The following MYO16 variants were observed in gnomAD, a reference collection of about 807,000 sequenced individuals.
MYO16 encodes unconventional myosin-XVI.
Under a neutral mutation model 205.3 loss-of-function variants are expected in MYO16, and 94 were observed. The observed-to-expected ratio is 0.46, with a 90% CI of 0.39 to 0.54. The LOEUF (loss-of-function observed/expected upper bound fraction) is 0.54, where lower values mean the gene tolerates loss of function less well. Among genes scored for constraint, MYO16 ranks in the 20% least tolerant of loss-of-function variants. The probability of loss-of-function intolerance (pLI) is 0.00; values close to 1 mark genes in which losing one functional copy is unlikely to be tolerated. For missense variants in MYO16, 2,315 were observed against 2,387.5 expected (o/e 0.97, Z 0.63); for synonymous variants, 988 against 954.0 (o/e 1.04, Z -0.66).
chr13:108,909,722 C>G (rs6492154), intron 15 of MYO16, among the ~76,000 whole-genome samples: 1 of 151,756 alleles, frequency 6.6e-6, no homozygotes, highest in East Asian at 1.9e-4. Flanking sequence ...ATTTCAAAGC[C>G]TTTGTTACAG....
the MYO16 span, among the ~76,000 whole-genome samples, chr13:108,498,790 TAAC>T: frequency 6.6e-6 from 1 of 152,202 alleles, no homozygotes; most frequent in Non-Finnish European, 1.5e-5. Context: ...AAGCTCACAG[TAAC>T]AACACCTTAT....
chr13:108,669,380 G>T (rs1283128676), intron 2 of MYO16, among the ~76,000 whole-genome samples: 1 of 152,092 alleles, frequency 6.6e-6, no homozygotes, highest in African/African-American at 2.4e-5. Context: ...ATTAGGTTCT[G>T]TACAGAGTAG....
At chr13:108,689,119 C>T (rs1423013497) in intron 2 of MYO16, among the ~76,000 whole-genome samples, 1 of 140,008 alleles carries the variant, frequency 7.1e-6, no homozygotes, top group Non-Finnish European at 1.5e-5. Context: ...AATTTTAAAA[C>T]TTTAGTTGAT....
intron 21 of MYO16, among the ~76,000 whole-genome samples, chr13:108,995,910 G>A (rs922285907): frequency 2.6e-5 from 4 of 152,122 alleles, no homozygotes; most frequent in African/African-American, 4.8e-5. Flanking sequence ...TTAGAATGGC[G>A]ATCATTAAAA....
intron 15 of MYO16, among the ~76,000 whole-genome samples, chr13:108,906,711 G>A (rs1237706905): frequency 6.6e-6 from 1 of 152,200 alleles, no homozygotes; most frequent in African/African-American, 2.4e-5. Flanking sequence ...CTAGAATAGT[G>A]TATGGTACAC....
At chr13:108,843,722 AAAT>A (rs1268389622) in intron 9 of MYO16, among the ~76,000 whole-genome samples, 1 of 152,206 alleles carries the variant, frequency 6.6e-6, no homozygotes, top group Non-Finnish European at 1.5e-5. Context: ...AACATTATAA[AAAT>A]AATGGCTGTA....
At chr13:109,077,572 A>C (rs76837142) in intron 27 of MYO16, among the ~76,000 whole-genome samples, 1,833 of 152,314 alleles carry the variant, frequency 0.012, 23 homozygotes, top group South Asian at 0.033. Flanking sequence ...AGGCATTTTT[A>C]TGAGAAAGGC....
intron 27 of MYO16, among the ~76,000 whole-genome samples, chr13:109,065,776 G>A (rs965957462): frequency 1.3e-5 from 2 of 152,154 alleles, no homozygotes; most frequent in East Asian, 3.9e-4. Flanking sequence ...AAACATCGGA[G>A]TCTTAACTCC....
chr13:108,867,855 A>T (rs369698910), intron 12 of MYO16, among the ~76,000 whole-genome samples: 1 of 152,220 alleles, frequency 6.6e-6, no homozygotes, highest in East Asian at 1.9e-4. Flanking sequence ...GTACAATTCC[A>T]ACTACTCTCG....
chr13:109,098,193 T>G (rs1322351345), intron 27 of MYO16, among the ~76,000 whole-genome samples: 4 of 152,202 alleles, frequency 2.6e-5, no homozygotes, highest in African/African-American at 9.6e-5. Context: ...GGTGTTAGGT[T>G]AGTGCAAAAG....
chr13:108,768,476 A>T (rs1885853842), intron 4 of MYO16, among the ~76,000 whole-genome samples: 1 of 152,200 alleles, frequency 6.6e-6, no homozygotes, highest in South Asian at 2.1e-4. Context: ...TGAATAGCTG[A>T]GCAGTGAATA....
chr13:109,032,150 C>T (rs1886564765), intron 23 of MYO16, among the ~76,000 whole-genome samples: 1 of 152,098 alleles, frequency 6.6e-6, no homozygotes, highest in South Asian at 2.1e-4. Context: ...TCCCCCTCGA[C>T]CCTGGTTTTG....
chr13:108,657,872 G>A (rs1881315751), intron 1 of MYO16, among the ~76,000 whole-genome samples: 1 of 151,986 alleles, frequency 6.6e-6, no homozygotes, highest in Non-Finnish European at 1.5e-5. Flanking sequence ...TAGAATAAAA[G>A]CAGCAATAAA....
chr13:108,522,458 G>A, the MYO16 span, among the ~76,000 whole-genome samples: 50,973 of 151,970 alleles, frequency 0.34, 10,606 homozygotes, highest in African/African-American at 0.59. Flanking sequence ...TTTCATGAGT[G>A]TATAATCTTC....
At chr13:109,018,263 T>C (rs1885895515) in intron 22 of MYO16, among the ~76,000 whole-genome samples, 1 of 152,210 alleles carries the variant, frequency 6.6e-6, no homozygotes, top group African/African-American at 2.4e-5. Context: ...GGAGGTCCAC[T>C]CCAGACCCTG....
In MYO16 at chr13:108,624,105, A is replaced by G. The variant is rs1879644417; in HGVS notation, c.-39+27866A>G. On this transcript the variant is annotated intron_variant, in intron 1 of 24. Coordinates refer to the MYO16 transcript ENST00000251041. ...AAAAATCCATGTATATCAATGGGAA[A>G]AGTATGAAGGAGAGGCTTCTTATTT... is the stretch of plus-strand genomic sequence containing the variant. 2.0e-5 allele frequency among the ~76,000 whole-genome samples: 3 copies of G among 152,194 alleles called. No homozygotes were observed. The South Asian group carries it at 6.2e-4, about 31-fold the overall frequency.
intron 27 of MYO16, among the ~76,000 whole-genome samples, chr13:109,090,774 T>A (rs1888595921): frequency 6.6e-6 from 1 of 152,222 alleles, no homozygotes; most frequent in Admixed American, 6.5e-5. Flanking sequence ...GTCTCTGCTT[T>A]CATATCCTTT....
At chr13:108,668,907 A>G (rs1415931169) in intron 2 of MYO16, among the ~76,000 whole-genome samples, 2 of 152,236 alleles carry the variant, frequency 1.3e-5, no homozygotes, top group East Asian at 3.9e-4. Flanking sequence ...ACAGGGAGTG[A>G]GAATTCCAGG....
chr13:108,590,637 G>A, the MYO16 span, among the ~76,000 whole-genome samples: 528 of 152,264 alleles, frequency 3.5e-3, 2 homozygotes, highest in Middle Eastern at 0.037. Flanking sequence ...GAGGAGGGGA[G>A]TTTGGACACA....
Sources: gnomAD v4.1 joint callset for allele counts (sites outside exome capture counted in the v4.1 genomes callset) on GRCh38, gnomAD v4.1.1 for gene constraint, MANE v1.5 for transcripts, NCBI Gene and HGNC (gene_info 2026-07-23, HGNC 2026-07-21) for gene names.